The following SGCZ variants were observed in gnomAD, a reference collection of about 807,000 sequenced individuals.
The protein encoded by SGCZ is sarcoglycan zeta, also known as zeta-sarcoglycan.
A neutral mutation model predicts 41.3 loss-of-function variants in SGCZ; 40 were observed. The observed-to-expected ratio is 0.97, with a 90% CI of 0.75 to 1.26. The LOEUF (loss-of-function observed/expected upper bound fraction) is 1.26, where lower values mean the gene tolerates loss of function less well. Ranked by LOEUF, SGCZ falls within the 50% of genes most tolerant of loss-of-function variation. The pLI is 0.00. For missense variants in SGCZ, 552 were observed against 369.8 expected (o/e 1.49, Z -4.04); for synonymous variants, 206 against 137.5 (o/e 1.50, Z -3.49).
intron 1 of SGCZ, among the ~76,000 whole-genome samples, chr8:14,839,689 T>A (rs1177333254): frequency 6.6e-6 from 1 of 152,160 alleles, no homozygotes; most frequent in African/African-American, 2.4e-5. Flanking sequence ...TGTTAAATTG[T>A]CCTTTGAGAT....
At position 15,170,393 on chromosome 8, in the gene SGCZ, C is replaced by A. The variant is rs556274170; in HGVS notation, c.39+67192G>T. Among the ~76,000 whole-genome samples the A allele has an allele frequency of 2.6e-5, 4 of 152,302 alleles. No individual in the cohort carries two copies. In the South Asian group the frequency reaches 6.2e-4, roughly 24 times the overall value. On this transcript the variant is annotated intron_variant, in intron 1 of 7. Transcript: ENST00000382080. ...AAAAAAAAGGAAAAAGCACAATTTC[C>A]CAGCCTTGAATAAATCACATCTAAT...
intron 1 of SGCZ, among the ~76,000 whole-genome samples, chr8:14,900,533 C>A (rs10503519): frequency 6.6e-6 from 1 of 152,080 alleles, no homozygotes; most frequent in Admixed American, 6.5e-5. Flanking sequence ...CTCAACTATA[C>A]CGCTGGGTCC....
At chr8:15,080,847 C>A (rs1164420293) in intron 1 of SGCZ, among the ~76,000 whole-genome samples, 1 of 152,062 alleles carries the variant, frequency 6.6e-6, no homozygotes, top group African/African-American at 2.4e-5. Context: ...CCACCTTGGC[C>A]TCCCAAAGTG....
chr8:15,003,235 G>C (rs1245823739), intron 1 of SGCZ, among the ~76,000 whole-genome samples: 2 of 152,154 alleles, frequency 1.3e-5, no homozygotes, highest in East Asian at 3.9e-4. Flanking sequence ...AGTTTATATA[G>C]GGAGAAACAG....
chr8:15,083,296 A>T (rs1031854469), intron 1 of SGCZ, among the ~76,000 whole-genome samples: 9 of 152,232 alleles, frequency 5.9e-5, no homozygotes, highest in African/African-American at 2.2e-4. Flanking sequence ...CTTATAATCA[A>T]TGTAGAAATA....
At chr8:14,377,397 A>G (rs1342566025) in intron 2 of SGCZ, among the ~76,000 whole-genome samples, 2 of 152,134 alleles carry the variant, frequency 1.3e-5, no homozygotes, top group Non-Finnish European at 2.9e-5. Flanking sequence ...CATAATTTAT[A>G]ATCAACTGGT....
chr8:14,211,453 G>A (rs886921997), intron 4 of SGCZ, among the ~76,000 whole-genome samples: 6 of 152,148 alleles, frequency 3.9e-5, no homozygotes, highest in Admixed American at 2.6e-4. Flanking sequence ...GATTTCTCTA[G>A]TATCTACCTA....
At chr8:15,101,659 G>C (rs1246501182) in intron 1 of SGCZ, among the ~76,000 whole-genome samples, 3 of 152,086 alleles carry the variant, frequency 2.0e-5, no homozygotes, top group African/African-American at 7.2e-5. Context: ...GGCCAGGAGC[G>C]GTGGCTCACG....
intron 4 of SGCZ, among the ~76,000 whole-genome samples, chr8:14,199,306 G>A (rs1055325718): frequency 1.3e-5 from 2 of 152,130 alleles, no homozygotes; most frequent in Non-Finnish European, 1.5e-5. Flanking sequence ...AAGCTTATTA[G>A]GACAAGGAAA....
intron 2 of SGCZ, among the ~76,000 whole-genome samples, chr8:14,479,191 C>G (rs886289535): frequency 6.6e-6 from 1 of 152,208 alleles, no homozygotes; most frequent in Non-Finnish European, 1.5e-5. Context: ...GTGAAGCCGA[C>G]AGCGCAGCCT....
intron 1 of SGCZ, among the ~76,000 whole-genome samples, chr8:14,629,378 A>C (rs1806571472): frequency 6.7e-6 from 1 of 148,648 alleles, no homozygotes; most frequent in African/African-American, 2.5e-5. Context: ...AAATAATGTA[A>C]AAATAAAGAA....
chr8:14,134,184 G>A (rs1019248541), intron 5 of SGCZ, among the ~76,000 whole-genome samples: 6 of 152,118 alleles, frequency 3.9e-5, no homozygotes, highest in East Asian at 1.9e-4. Context: ...CTTGACAGGA[G>A]AAAACTTCCA....
intron 1 of SGCZ, among the ~76,000 whole-genome samples, chr8:15,129,376 C>T (rs906351887): frequency 6.6e-6 from 1 of 152,118 alleles, no homozygotes; most frequent in Non-Finnish European, 1.5e-5. Flanking sequence ...TTATATTAGC[C>T]TTCCTATCCT....
intron 4 of SGCZ, among the ~76,000 whole-genome samples, chr8:14,201,543 G>C (rs757301836): frequency 2.6e-5 from 4 of 152,146 alleles, no homozygotes; most frequent in African/African-American, 4.8e-5. Context: ...TACATATTGT[G>C]TGATTGTATT....
chr8:14,971,742 C>T (rs571141144), intron 1 of SGCZ, among the ~76,000 whole-genome samples: 3 of 150,810 alleles, frequency 2.0e-5, no homozygotes, highest in African/African-American at 2.4e-5. Context: ...CTCCACCTCC[C>T]GGGTTCAAGT....
intron 3 of SGCZ, among the ~76,000 whole-genome samples, chr8:14,315,815 T>C (rs1227046964): frequency 6.6e-6 from 1 of 151,248 alleles, no homozygotes; most frequent in African/African-American, 2.4e-5. Flanking sequence ...ATTTAATTGA[T>C]TCAAACTAAA....
chr8:14,686,621 A>T (rs1404247443), intron 1 of SGCZ, among the ~76,000 whole-genome samples: 1 of 152,092 alleles, frequency 6.6e-6, no homozygotes, highest in Non-Finnish European at 1.5e-5. Context: ...ATTATTAAGT[A>T]GAAGCAGGGG....
intron 1 of SGCZ, among the ~76,000 whole-genome samples, chr8:15,098,339 A>G (rs906524850): frequency 6.6e-6 from 1 of 152,164 alleles, no homozygotes; most frequent in Non-Finnish European, 1.5e-5. Flanking sequence ...ATTATGTTAG[A>G]TGCAATTAGA....
In SGCZ at chr8:14,819,400, A is replaced by G. The variant is rs1015118782; in HGVS notation, c.40-264474T>C. On this transcript the variant is annotated intron_variant, in intron 1 of 7. Transcript: ENST00000382080. ...TGTTTTTTCCTTAAGCACTTTGTAT[A>G]TATCATCCCATTGTCTCCTAGCCTG... Among the ~76,000 whole-genome samples, 2 of 152,252 alleles carry G rather than the reference A, an allele frequency of 1.3e-5. 1 individual carries two copies. Among genetic ancestry groups the G allele is most frequent in the Admixed American group, 1.3e-4 (2 of 15,286 alleles).
Sources: allele counts gnomAD v4.1 joint callset (sites outside exome capture counted in the v4.1 genomes callset), GRCh38; gene constraint gnomAD v4.1.1; transcripts MANE v1.5; gene names NCBI Gene and HGNC (gene_info 2026-07-23, HGNC 2026-07-21).